Variants in FILIP1 observed in about 807,000 individuals in gnomAD.
FILIP1 encodes filamin A interacting protein 1.
FILIP1 carries 61 observed loss-of-function variants against 102.1 expected under a neutral mutation model. That is an observed-to-expected ratio of 0.60 (90% CI 0.49 to 0.74). The LOEUF is 0.74. Among genes scored for constraint, FILIP1 ranks in the 30% least tolerant of loss-of-function variants. The pLI is 0.00. For synonymous variants in FILIP1, 491 were observed against 526.9 expected, an observed-to-expected ratio of 0.93 and a Z score of 0.93; for missense variants, 1,314 against 1,441.2, an observed-to-expected ratio of 0.91 and a Z score of 1.43.
chr6:75,463,993 T>C (rs1239947083), intron 1 of FILIP1, among the ~76,000 whole-genome samples: 1 of 152,150 alleles, frequency 6.6e-6, no homozygotes, highest in Non-Finnish European at 1.5e-5. Context: ...ATCAAAACCA[T>C]GAAAAACTAT....
chr6:75,294,527 T>C (rs1394931707), exon 7 of FILIP1: 1 of 152,230 alleles, frequency 6.6e-6, no homozygotes, highest in Non-Finnish European at 1.5e-5. Context: ...AGCTCTGACG[T>C]TGAGATTTGA....
chr6:75,422,989 A>G (rs893655417), intron 1 of FILIP1, among the ~76,000 whole-genome samples: 1 of 152,184 alleles, frequency 6.6e-6, no homozygotes, highest in African/African-American at 2.4e-5. Context: ...CATCAACAAC[A>G]CATTTGTTCC....
At chr6:75,372,728 GAGAA>G (rs71002736) in intron 2 of FILIP1, among the ~76,000 whole-genome samples, 6,574 of 60,396 alleles carry the variant, frequency 0.11, 347 homozygotes, top group East Asian at 0.14. Flanking sequence ...GAAAGAGAAA[GAGAA>G]AGAAAGAAAG....
chr6:75,403,802 C>T (rs1341113161), intron 2 of FILIP1, among the ~76,000 whole-genome samples: 1 of 151,918 alleles, frequency 6.6e-6, no homozygotes, highest in African/African-American at 2.4e-5. Flanking sequence ...GTGTAGGGAC[C>T]TCTTCTAAAT....
chr6:75,493,775 A>G lies in FILIP1; in HGVS notation c.-368T>C, dbSNP rs1202301571. 1.3e-5 allele frequency: 2 copies of G among 152,166 alleles called. No individual in the cohort carries two copies. Among genetic ancestry groups the G allele is most frequent in the Non-Finnish European group, 2.9e-5 (2 of 68,044 alleles). The allele number at this position is 152,166 out of a possible 1,614,324, so 9.4% of individuals were successfully genotyped here. On this transcript the variant is annotated 5_prime_UTR_variant, in exon 1 of 6. Coordinates refer to ENST00000237172, the MANE Select transcript of FILIP1 (RefSeq NM_015687.5). Reference sequence around the variant, plus strand: ...GTTTCTCCTCTTCTGCTCCCTTCACAACACTGTCAGAGCAATGGCTATGTT... The same window carrying G: ...GTTTCTCCTCTTCTGCTCCCTTCACGACACTGTCAGAGCAATGGCTATGTT...
At chr6:75,475,763 T>C (rs1457483646) in intron 1 of FILIP1, among the ~76,000 whole-genome samples, 1 of 152,204 alleles carries the variant, frequency 6.6e-6, no homozygotes, top group Non-Finnish European at 1.5e-5. Context: ...GGTTAGATCA[T>C]GTCTTAGGGA....
At chr6:75,316,375 T>C (rs1773448044) in intron 4 of FILIP1, among the ~76,000 whole-genome samples, 1 of 152,184 alleles carries the variant, frequency 6.6e-6, no homozygotes, top group Non-Finnish European at 1.5e-5. Flanking sequence ...ATTCTTTCAG[T>C]GTATTTTGCT....
At chr6:75,295,184 A>C (rs904485997) in exon 7 of FILIP1, 12 of 152,154 alleles carry the variant, frequency 7.9e-5, no homozygotes, top group African/African-American at 2.9e-4. Flanking sequence ...TATTGCCCTT[A>C]CTGGTTAAAC....
At chr6:75,328,593 A>AT (rs1327396424) in intron 4 of FILIP1, among the ~76,000 whole-genome samples, 1 of 152,130 alleles carries the variant, frequency 6.6e-6, no homozygotes, top group Admixed American at 6.6e-5. Context: ...GGTTTAAGCA[A>AT]TTCTCCTGCC....
intron 2 of FILIP1, among the ~76,000 whole-genome samples, chr6:75,394,800 G>A (rs981169760): frequency 6.6e-6 from 1 of 152,186 alleles, no homozygotes; most frequent in African/African-American, 2.4e-5. Flanking sequence ...ATAATGTACT[G>A]TGTTGGCAGG....
chr6:75,383,133 T>C (rs1159551665), intron 2 of FILIP1, among the ~76,000 whole-genome samples: 2 of 152,122 alleles, frequency 1.3e-5, no homozygotes, highest in African/African-American at 2.4e-5. Flanking sequence ...TGATGGACAC[T>C]GTAGATGTCA....
At position 75,319,140 on chromosome 6, in the gene FILIP1, A is replaced by G; in HGVS notation, c.630-3938T>C. The G allele has an allele frequency of 4.1e-6, 3 of 728,202 alleles. No homozygotes were observed. In the South Asian group the frequency reaches 4.2e-5, roughly 10 times the overall value. The allele number at this position is 728,202 out of a possible 1,614,324, so 45.1% of individuals were successfully genotyped here. A position where few individuals can be genotyped will look rare whatever the true frequency, so the allele number is the denominator to read the frequency against. ...TTTTCTTGCTTTTTTCAGACTTGAC[A>G]ATTCCCTTTTATGCTGCATCAGGCT... is the stretch of plus-strand genomic sequence containing the variant. On this transcript the variant is annotated intron_variant, in intron 4 of 5. Coordinates refer to ENST00000237172, the MANE Select transcript of FILIP1 (RefSeq NM_015687.5).
intron 2 of FILIP1, among the ~76,000 whole-genome samples, chr6:75,400,969 G>C (rs139609560): frequency 2.5e-4 from 38 of 152,080 alleles, no homozygotes; most frequent in Non-Finnish European, 3.8e-4. Context: ...TGGAAATTAT[G>C]AAAGAAGTTT....
chr6:75,356,262 T>C (rs73453775), intron 3 of FILIP1, among the ~76,000 whole-genome samples: 2,784 of 152,264 alleles, frequency 0.018, 76 homozygotes, highest in East Asian at 0.11. Flanking sequence ...TTGCCTGATA[T>C]GTTCATTGTG....
intron 1 of FILIP1, among the ~76,000 whole-genome samples, chr6:75,480,686 C>A (rs1582568961): frequency 6.6e-6 from 1 of 152,136 alleles, no homozygotes; most frequent in East Asian, 1.9e-4. Flanking sequence ...ACAGCAAATA[C>A]TTTTATAGGA....
Position 75,313,545 on chromosome 6 carries a change from T to C in FILIP1, c.2287A>G (p.Lys763Glu). The C allele has an allele frequency of 4.3e-6, 7 of 1,614,254 alleles. No individual in the cohort carries two copies. The highest frequency in any genetic ancestry group is 5.9e-6 in the Non-Finnish European group (7 of 1,180,050). Residue 763 changes from lysine (K) to glutamate (E), a missense_variant, in exon 5 of 6, where the codon AAA becomes GAA. By Grantham distance (56) the Lys-to-Glu change is moderately conservative. Around this residue, in one of 3 missense-constraint regions of FILIP1, gnomAD observed 816 missense variants for 913.1 expected, o/e 0.89. Coordinates refer to ENST00000237172, the MANE Select transcript of FILIP1 (RefSeq NM_015687.5). This position sits in a 1 kb window ranked among gnomAD's most constrained non-coding sequence, Gnocchi z 4.2. The stretch of plus-strand genomic sequence containing the variant: ...TTGAGAACCTCCTGCCCCATGTTTT[T>C]GTTCTTATTTTCTTCTTCCATAAAT... ...QRFMEEENKNKNMGQEVLNLT... is the reference protein window; with the variant it reads ...QRFMEEENKNENMGQEVLNLT...
At chr6:75,444,743 T>A (rs368106275) in intron 1 of FILIP1, among the ~76,000 whole-genome samples, 3 of 152,290 alleles carry the variant, frequency 2.0e-5, no homozygotes, top group East Asian at 3.9e-4. Context: ...TATCCACACT[T>A]TAAAGGCTTC....
intron 2 of FILIP1, among the ~76,000 whole-genome samples, chr6:75,373,005 C>T (rs1775626639): frequency 1.3e-5 from 2 of 152,066 alleles, no homozygotes; most frequent in African/African-American, 4.8e-5. Context: ...TAATATTATT[C>T]ACAATAGTCA....
intron 4 of FILIP1, among the ~76,000 whole-genome samples, chr6:75,342,449 CTT>C (rs1325538989): frequency 6.6e-6 from 1 of 152,198 alleles, no homozygotes; most frequent in African/African-American, 2.4e-5. Flanking sequence ...TTTTCTGAAT[CTT>C]TTATAATTTC....
Sources: allele counts gnomAD v4.1 joint callset (sites outside exome capture counted in the v4.1 genomes callset), GRCh38; gene constraint gnomAD v4.1.1; regional missense constraint gnomAD v4.1.1; non-coding constraint Gnocchi (gnomAD v3.1); transcripts MANE v1.5; gene names NCBI Gene and HGNC (gene_info 2026-07-23, HGNC 2026-07-21).